The following AFF3 variants were observed in gnomAD, a reference collection of about 807,000 sequenced individuals.
The protein encoded by AFF3 is AF4/FMR2 family member 3.
In AFF3, 32 loss-of-function variants were observed where a neutral mutation model predicts 129.7. The ratio of observed to expected loss-of-function variants is 0.25; its 90% CI spans 0.19 to 0.33. The LOEUF is 0.33. Ranked by LOEUF, AFF3 falls within the 10% of genes least tolerant of loss-of-function variation. The pLI, the probability that AFF3 is intolerant of heterozygous loss-of-function variation, is 1.00. For missense variants in AFF3, 1,373 were observed against 1,592.0 expected (o/e 0.86, Z 2.34); for synonymous variants, 644 against 635.4 (o/e 1.01, Z -0.20).
chr2:99,799,037 A>T (rs1685746137), intron 8 of AFF3, among the ~76,000 whole-genome samples: 1 of 152,070 alleles, frequency 6.6e-6, no homozygotes, highest in African/African-American at 2.4e-5. Flanking sequence ...ATACAAGATC[A>T]GTAAACAAAT....
chr2:99,620,945 C>T (rs537686139), intron 13 of AFF3, among the ~76,000 whole-genome samples: 1 of 152,180 alleles, frequency 6.6e-6, no homozygotes, highest in Non-Finnish European at 1.5e-5. Flanking sequence ...TCACCAGACA[C>T]AGATGCTGGT....
rs1036922895 is a variant in AFF3 at position 100,005,872 on chromosome 2, A to C, written c.873+760T>G. On this transcript the variant is annotated intron_variant, in intron 7 of 24. Coordinates refer to ENST00000672756, the MANE Select transcript of AFF3 (RefSeq NM_001386135.1). The stretch of plus-strand genomic sequence containing the variant: ...AAGATACAAAGAATATTCTGGCCAC[A>C]CTGTTACTCAGTCTTTAAAGAATAT... Among the ~76,000 whole-genome samples the C allele has an allele frequency of 3.9e-5, 6 of 152,316 alleles. No individual in the cohort carries two copies. The East Asian group carries it at 9.6e-4, about 24-fold the overall frequency.
intron 7 of AFF3, among the ~76,000 whole-genome samples, chr2:99,845,838 A>C (rs1689676298): frequency 1.3e-5 from 2 of 152,024 alleles, no homozygotes; most frequent in African/African-American, 4.8e-5. Flanking sequence ...TAATTAATTA[A>C]TTTCTTTATT....
At chr2:99,801,750 T>C (rs72817098) in intron 8 of AFF3, among the ~76,000 whole-genome samples, 7 of 152,360 alleles carry the variant, frequency 4.6e-5, no homozygotes, top group Non-Finnish European at 1.0e-4. Context: ...CATGTATTTA[T>C]CTTTGTCCAG....
intron 11 of AFF3, among the ~76,000 whole-genome samples, chr2:99,688,537 A>G (rs1344746859): frequency 2.0e-5 from 3 of 152,056 alleles, no homozygotes. Flanking sequence ...TTGCTTGGTC[A>G]CTCTGATTTA....
intron 12 of AFF3, among the ~76,000 whole-genome samples, chr2:99,668,626 A>C (rs1385831615): frequency 1.3e-5 from 2 of 151,884 alleles, no homozygotes; most frequent in African/African-American, 4.8e-5. Flanking sequence ...GTAGTGGCAC[A>C]ATTTTGGCTC....
At chr2:99,721,982 T>C (rs975971594) in intron 11 of AFF3, among the ~76,000 whole-genome samples, 1 of 152,230 alleles carries the variant, frequency 6.6e-6, no homozygotes, top group East Asian at 1.9e-4. Context: ...TATTCTGTTT[T>C]TCACATTGAA....
At chr2:99,635,200 T>G (rs917763291) in intron 13 of AFF3, among the ~76,000 whole-genome samples, 3 of 151,836 alleles carry the variant, frequency 2.0e-5, no homozygotes, top group Admixed American at 6.6e-5. Context: ...TACACATCTC[T>G]ATGTATATGA....
chr2:99,915,886 T>A (rs1026394142), intron 7 of AFF3, among the ~76,000 whole-genome samples: 1 of 152,132 alleles, frequency 6.6e-6, no homozygotes, highest in African/African-American at 2.4e-5. Flanking sequence ...CTGCAAAAAA[T>A]ATAAAACTTG....
intron 7 of AFF3, among the ~76,000 whole-genome samples, chr2:99,930,402 G>A (rs1696588944): frequency 1.3e-5 from 2 of 152,174 alleles, no homozygotes; most frequent in South Asian, 4.1e-4. Context: ...ACAGAGTTCA[G>A]ACAGAACCCT....
chr2:99,784,447 G>T (rs920694987), intron 8 of AFF3, among the ~76,000 whole-genome samples: 6 of 152,218 alleles, frequency 3.9e-5, no homozygotes, highest in Non-Finnish European at 7.3e-5. Context: ...GAAAGGAGAT[G>T]AAAGGTACAA....
chr2:100,133,270 A>G (rs1460995116), intron 1 of AFF3, among the ~76,000 whole-genome samples: 2 of 152,044 alleles, frequency 1.3e-5, no homozygotes, highest in African/African-American at 4.8e-5. Context: ...TCTCTAAAAA[A>G]TAAAATAAAA....
intron 2 of AFF3, among the ~76,000 whole-genome samples, chr2:100,128,799 G>A (rs372627699): frequency 1.3e-5 from 2 of 152,342 alleles, no homozygotes; most frequent in Non-Finnish European, 2.9e-5. Context: ...GTTGCCAGAA[G>A]TAGTTAAAGA....
intron 8 of AFF3, among the ~76,000 whole-genome samples, chr2:99,763,606 C>T (rs1682787746): frequency 1.3e-5 from 2 of 152,164 alleles, no homozygotes; most frequent in South Asian, 4.1e-4. Flanking sequence ...TGATTGAAAA[C>T]TTTTAGGAAA....
chr2:99,627,079 C>T (rs1028497630), intron 13 of AFF3, among the ~76,000 whole-genome samples: 1 of 152,060 alleles, frequency 6.6e-6, no homozygotes, highest in African/African-American at 2.4e-5. Context: ...GATTTATATT[C>T]CTTTGGGTAT....
At chr2:100,040,203 G>T (rs530933732) in intron 4 of AFF3, among the ~76,000 whole-genome samples, 1 of 152,134 alleles carries the variant, frequency 6.6e-6, no homozygotes, top group South Asian at 2.1e-4. Context: ...GTAATATGAC[G>T]ATTATTGCTT....
At chr2:99,992,830 G>A (rs1046287734) in intron 7 of AFF3, among the ~76,000 whole-genome samples, 1 of 152,200 alleles carries the variant, frequency 6.6e-6, no homozygotes, top group South Asian at 2.1e-4. Context: ...TAAGGCAGGG[G>A]TTGCTTGTTT....
chr2:100,129,585 C>T (rs1363733022), intron 1 of AFF3, among the ~76,000 whole-genome samples: 3 of 152,106 alleles, frequency 2.0e-5, no homozygotes, highest in South Asian at 2.1e-4. Flanking sequence ...CACAAAATGC[C>T]CCACCAGCCT....
chr2:99,974,436 G>A (rs1247549157), intron 7 of AFF3, among the ~76,000 whole-genome samples: 2 of 152,138 alleles, frequency 1.3e-5, no homozygotes, highest in African/African-American at 4.8e-5. Context: ...GACACTGACT[G>A]CATGACAACC....
Sources: allele counts gnomAD v4.1 joint callset (sites outside exome capture counted in the v4.1 genomes callset), GRCh38; gene constraint gnomAD v4.1.1; transcripts MANE v1.5; gene names NCBI Gene and HGNC (gene_info 2026-07-23, HGNC 2026-07-21).